The following IL4I1 variants were observed in gnomAD, a reference collection of about 807,000 sequenced individuals.
IL4I1 encodes interleukin 4 induced 1, also known as L-amino-acid oxidase.
Under a neutral mutation model 29.7 loss-of-function variants are expected in IL4I1, and 24 were observed. That is an observed-to-expected ratio of 0.81 (90% CI 0.59 to 1.14). IL4I1 has a LOEUF of 1.14. Among genes scored for constraint, IL4I1 ranks in the 50% most tolerant of loss-of-function variants. The pLI is 0.00. For synonymous variants in IL4I1, 371 were observed against 352.5 expected (o/e 1.05, Z -0.59); for missense variants, 686 against 785.6 (o/e 0.87, Z 1.52).
At chr19:49,901,105 C>T (rs1251732180), upstream of IL4I1, among the ~76,000 whole-genome samples, 6 of 152,192 alleles carry the variant, frequency 3.9e-5, no homozygotes, top group African/African-American at 1.2e-4. Flanking sequence ...ATTGGCCAGA[C>T]GCGGTGGCTC....
At chr19:49,929,175 A>G (rs1270564526) in intron 1 of IL4I1, 1 of 140,656 alleles carries the variant, frequency 7.1e-6, no homozygotes, top group Non-Finnish European at 1.5e-5. Flanking sequence ...CACCCAGTAT[A>G]TATCTGTCCC....
intron 2 of IL4I1, among the ~76,000 whole-genome samples, chr19:49,916,502 G>A (rs989102027): frequency 2.0e-5 from 3 of 151,738 alleles, no homozygotes; most frequent in Non-Finnish European, 2.9e-5. Flanking sequence ...GGCCAGGCGC[G>A]GTGGCTCACG....
intron 2 of IL4I1, chr19:49,908,814 G>T: frequency 6.2e-7 from 1 of 1,613,586 alleles, no homozygotes. Flanking sequence ...CTCTCCAGCT[G>T]CGCGTAGGTC....
intron 3 of IL4I1, among the ~76,000 whole-genome samples, chr19:49,902,581 A>C (rs1195997426): frequency 6.6e-6 from 1 of 152,124 alleles, no homozygotes; most frequent in Non-Finnish European, 1.5e-5. Context: ...CAATCACAGT[A>C]CTTTGGGAGG....
intron 2 of IL4I1, among the ~76,000 whole-genome samples, chr19:49,925,592 A>G (rs1476034776): frequency 6.6e-6 from 1 of 152,204 alleles, no homozygotes; most frequent in African/African-American, 2.4e-5. Context: ...AAGGACAAGG[A>G]AAGTCTAAAA....
At chr19:49,897,388 G>A (rs2075224282), upstream of IL4I1, among the ~76,000 whole-genome samples, 1 of 152,156 alleles carries the variant, frequency 6.6e-6, no homozygotes, top group African/African-American at 2.4e-5. Flanking sequence ...GGGTGTAGCA[G>A]TGGGGCTGGC....
At chr19:49,894,591 G>A in intron 4 of IL4I1, 122 bp from the exon 5 acceptor site, 1 of 694,302 alleles carries the variant, frequency 1.4e-6, no homozygotes, top group Non-Finnish European at 2.5e-6. Context: ...GGCTGGGGGT[G>A]GGGCTAGATT....
chr19:49,917,024 C>T (rs1181501472), intron 2 of IL4I1, among the ~76,000 whole-genome samples: 10 of 152,272 alleles, frequency 6.6e-5, no homozygotes, highest in Non-Finnish European at 1.2e-4. Flanking sequence ...AGATGCAAGA[C>T]GGACAGGGTG....
chr19:49,908,723 T>G, intron 2 of IL4I1: 1 of 1,613,146 alleles, frequency 6.2e-7, no homozygotes, highest in Non-Finnish European at 8.5e-7. Flanking sequence ...CAGCGTGCGG[T>G]CCCAGGCGTT....
chr19:49,928,664 C>T (rs945031029), intron 1 of IL4I1: 1 of 152,098 alleles, frequency 6.6e-6, no homozygotes, highest in Non-Finnish European at 1.5e-5. Flanking sequence ...AGTAAGAGAA[C>T]TTAAGTTATT....
chr19:49,901,151 G>A (rs1420093580), upstream of IL4I1, among the ~76,000 whole-genome samples: 2 of 152,174 alleles, frequency 1.3e-5, no homozygotes, highest in Non-Finnish European at 2.9e-5. Context: ...AGGCCGAGGT[G>A]GGCGGGCAGA....
chr19:49,901,826 G>A (rs1348576980), upstream of IL4I1: 15 of 659,380 alleles, frequency 2.3e-5, no homozygotes, highest in Non-Finnish European at 3.6e-5. Context: ...GGGAGGCTGT[G>A]AAAGGCAGGT....
At chr19:49,911,701 T>C (rs1343683971) in intron 2 of IL4I1, among the ~76,000 whole-genome samples, 1 of 152,224 alleles carries the variant, frequency 6.6e-6, no homozygotes, top group Admixed American at 6.5e-5. Context: ...TAGATCTCAA[T>C]GGGCGTCCAT....
chr19:49,899,811 T>A (rs1222915975), upstream of IL4I1, among the ~76,000 whole-genome samples: 1 of 152,160 alleles, frequency 6.6e-6, no homozygotes, highest in Non-Finnish European at 1.5e-5. Flanking sequence ...CGCCTCGGCC[T>A]CCCAAAGTCC....
In IL4I1 at chr19:49,909,740, G is replaced by A. The variant is rs371157888; in HGVS notation, c.-227-5419C>T. The A allele has an allele frequency of 8.7e-6, 14 of 1,613,990 alleles. No homozygotes were observed. The highest frequency in any genetic ancestry group is 2.2e-5 in the East Asian group (1 of 44,892). Reference sequence around the variant, plus strand: ...CCCTGTAGCAGGTGTGGTTGTTGCCGTCTTTGCAGTGCCAAACGTGAACCC... The same window carrying A: ...CCCTGTAGCAGGTGTGGTTGTTGCCATCTTTGCAGTGCCAAACGTGAACCC... On this transcript the variant is annotated intron_variant, in intron 2 of 9. Coordinates refer to the IL4I1 transcript ENST00000341114.
intron 2 of IL4I1, among the ~76,000 whole-genome samples, chr19:49,911,989 T>C (rs1174263109): frequency 6.6e-6 from 1 of 152,198 alleles, no homozygotes; most frequent in Non-Finnish European, 1.5e-5. Flanking sequence ...TAAAGGCATC[T>C]GAGCAGCTAC....
At chr19:49,907,809 T>C (rs191069827) in intron 2 of IL4I1, 34 of 336,282 alleles carry the variant, frequency 1.0e-4, no homozygotes, top group African/African-American at 7.4e-4. Flanking sequence ...GTGCTGAGAT[T>C]ACAGGGGTGA....
At chr19:49,917,336 AAC>A (rs2122690730) in intron 2 of IL4I1, among the ~76,000 whole-genome samples, 1 of 152,328 alleles carries the variant, frequency 6.6e-6, no homozygotes, top group East Asian at 1.9e-4. Context: ...TCCGTCTGCA[AAC>A]TCCACAAGTC....
intron 5 of IL4I1, among the ~76,000 whole-genome samples, chr19:49,891,692 C>T (rs1600465549): frequency 6.6e-6 from 1 of 152,234 alleles, no homozygotes; most frequent in African/African-American, 2.4e-5. Context: ...CTGTTAACGC[C>T]GCCCATCCCC....
Sources: allele counts gnomAD v4.1 joint callset (sites outside exome capture counted in the v4.1 genomes callset), GRCh38; gene constraint gnomAD v4.1.1; transcripts MANE v1.5; gene names NCBI Gene and HGNC (gene_info 2026-07-23, HGNC 2026-07-21).